The following PRKAR1A variants were observed in gnomAD, a reference collection of about 807,000 sequenced individuals.
The protein encoded by PRKAR1A is cAMP-dependent protein kinase type I-alpha regulatory subunit.
Under a neutral mutation model 52.0 loss-of-function variants are expected in PRKAR1A, and 3 were observed. That is an observed-to-expected ratio of 0.06 (90% confidence interval 0.03 to 0.15). The LOEUF is 0.15. PRKAR1A is among the 10% of genes least tolerant of loss of function. The probability of loss-of-function intolerance (pLI) is 1.00; values close to 1 mark genes in which losing one functional copy is unlikely to be tolerated. For synonymous variants in PRKAR1A, 188 were observed against 168.4 expected, an observed-to-expected ratio of 1.12 and a Z score of -0.90; for missense variants, 240 against 477.4, an observed-to-expected ratio of 0.50 and a Z score of 4.63.
the PRKAR1A span, chr17:68,422,102 CT>C: frequency 5.0e-6 from 2 of 398,274 alleles, no homozygotes; most frequent in Non-Finnish European, 9.3e-6. Flanking sequence ...GCTCATCTTA[CT>C]TGTAAACATG....
intron 7 of PRKAR1A, among the ~76,000 whole-genome samples, chr17:68,527,307 G>C (rs1314832237): frequency 6.6e-6 from 1 of 152,128 alleles, no homozygotes; most frequent in Non-Finnish European, 1.5e-5. Flanking sequence ...CAATTGTATA[G>C]GTGAGAAGCC....
At chr17:68,545,635 T>C (rs2086518469) in intron 11 of PRKAR1A, among the ~76,000 whole-genome samples, 1 of 152,200 alleles carries the variant, frequency 6.6e-6, no homozygotes, top group Non-Finnish European at 1.5e-5. Flanking sequence ...AATAATGAAG[T>C]TTGCTGCATC....
intron 2 of PRKAR1A, among the ~76,000 whole-genome samples, chr17:68,521,387 G>A (rs989361861): frequency 6.6e-6 from 1 of 152,158 alleles, no homozygotes; most frequent in African/African-American, 2.4e-5. Flanking sequence ...GTGCCACCAC[G>A]CCCAACTAAT....
At chr17:68,465,189 T>C in the PRKAR1A span, among the ~76,000 whole-genome samples, 2 of 151,896 alleles carry the variant, frequency 1.3e-5, no homozygotes, top group Admixed American at 6.6e-5. Context: ...GCCTCGGCCT[T>C]CCAAAGTACT....
At chr17:68,489,364 G>GTATATA in the PRKAR1A span, among the ~76,000 whole-genome samples, 11 of 47,846 alleles carry the variant, frequency 2.3e-4, no homozygotes, top group African/African-American at 4.7e-4. Flanking sequence ...TATATGGAAA[G>GTATATA]TATATATATA....
At chr17:68,490,851 G>A in the PRKAR1A span, among the ~76,000 whole-genome samples, 9 of 152,246 alleles carry the variant, frequency 5.9e-5, no homozygotes, top group East Asian at 1.5e-3. Context: ...CTTGAGAACA[G>A]AGGAGATACT....
chr17:68,522,703 G>T, intron 2 of PRKAR1A, 53 bp from the exon 3 acceptor site: 1 of 1,584,068 alleles, frequency 6.3e-7, no homozygotes, highest in Non-Finnish European at 8.7e-7. Flanking sequence ...ACATGAGAGT[G>T]CCAGCTTTAC....
chr17:68,442,169 A>G, the PRKAR1A span, among the ~76,000 whole-genome samples: 3 of 152,232 alleles, frequency 2.0e-5, no homozygotes, highest in Non-Finnish European at 4.4e-5. Flanking sequence ...GCTAAAAAAT[A>G]AGAGTAAATG....
chr17:68,530,486 A>C lies in PRKAR1A; in HGVS notation c.*37A>C. 1 of 1,613,810 alleles carries C rather than the reference A, an allele frequency of 6.2e-7. No individual in the cohort carries two copies. Among genetic ancestry groups the C allele is most frequent in the Non-Finnish European group, 8.5e-7 (1 of 1,179,830 alleles). On this transcript the variant is annotated 3_prime_UTR_variant, in exon 11 of 11. Transcript: ENST00000589228. ...TGTGCCTCCCTTTTCTCCTCTCCCCAATCCATGCTTCACTCATGCAAACTG... is the reference window on the plus strand; with the variant it reads ...TGTGCCTCCCTTTTCTCCTCTCCCCCATCCATGCTTCACTCATGCAAACTG...
At chr17:68,414,520 G>A in the PRKAR1A span, among the ~76,000 whole-genome samples, 2 of 152,132 alleles carry the variant, frequency 1.3e-5, no homozygotes, top group Admixed American at 6.5e-5. Context: ...CCTGGTTGTA[G>A]TATTAGGGTG....
rs1215717193 is a variant in PRKAR1A, at chr17:68,530,260, A to G, written c.974-17A>G. 1.2e-6 allele frequency: 2 copies of G among 1,613,850 alleles called. No individual in the cohort carries two copies. The highest frequency in any genetic ancestry group is 2.2e-5 in the East Asian group (1 of 44,880). On this transcript the variant is annotated splice_polypyrimidine_tract_variant and intron_variant, in intron 10 of 10. Coordinates refer to ENST00000589228, the MANE Select transcript of PRKAR1A (RefSeq NM_002734.5). ...TTTCATAGAAGTTAGCCTGTTACCCATCTTTGCTTTCTCCAGGTGAAATTG... is the reference window on the plus strand; with the variant it reads ...TTTCATAGAAGTTAGCCTGTTACCCGTCTTTGCTTTCTCCAGGTGAAATTG...
the PRKAR1A span, among the ~76,000 whole-genome samples, chr17:68,439,246 TA>T: frequency 5.9e-5 from 9 of 152,158 alleles, no homozygotes; most frequent in African/African-American, 2.2e-4. Context: ...TATCAACTGA[TA>T]AATGGATAAA....
chr17:68,462,862 G>A, the PRKAR1A span, among the ~76,000 whole-genome samples: 2 of 152,214 alleles, frequency 1.3e-5, no homozygotes, highest in Non-Finnish European at 2.9e-5. Context: ...GGGGGAGAGT[G>A]TGGAGTCCTG....
At position 68,522,884 on chromosome 17, in the gene PRKAR1A, T is replaced by G. The variant is rs757511127; in HGVS notation, c.306T>G (p.Ala102=). 6.2e-7 allele frequency: 1 copy of G among 1,613,536 alleles called. No homozygotes were observed. Among genetic ancestry groups the G allele is most frequent in the Non-Finnish European group, 8.5e-7 (1 of 1,179,760 alleles). ...KGRRRRGAIS[A]EVYTEEDAAS... Reference sequence around the variant, plus strand: ...GGAGGCGACGAGGTGCTATCAGCGCTGAGGTCTACACGGAGGAAGATGCGG... The same window carrying G: ...GGAGGCGACGAGGTGCTATCAGCGCGGAGGTCTACACGGAGGAAGATGCGG... The change falls in exon 3 of 11, where the codon GCT becomes GCG. Residue 102 remains alanine, a synonymous_variant. Coordinates refer to ENST00000589228, the MANE Select transcript of PRKAR1A (RefSeq NM_002734.5).
the PRKAR1A span, among the ~76,000 whole-genome samples, chr17:68,494,717 C>T: frequency 1.3e-4 from 19 of 151,860 alleles, no homozygotes; most frequent in Non-Finnish European, 2.1e-4. Context: ...GCCCGGCAAA[C>T]GGTCTCAGCT....
chr17:68,545,029 T>C (rs1301125967), intron 11 of PRKAR1A, among the ~76,000 whole-genome samples: 1 of 152,252 alleles, frequency 6.6e-6, no homozygotes, highest in African/African-American at 2.4e-5. Context: ...TTTATGTTCC[T>C]AATGTATATT....
the PRKAR1A span, among the ~76,000 whole-genome samples, chr17:68,432,573 T>C: frequency 6.6e-6 from 1 of 152,030 alleles, no homozygotes; most frequent in African/African-American, 2.4e-5. Context: ...CCGGCCTCTG[T>C]CATGTATGTG....
chr17:68,497,222 T>C, the PRKAR1A span, among the ~76,000 whole-genome samples: 1 of 152,208 alleles, frequency 6.6e-6, no homozygotes, highest in Non-Finnish European at 1.5e-5. Flanking sequence ...AAGTCAACTT[T>C]TATTGGAACA....
chr17:68,442,360 G>A, the PRKAR1A span, among the ~76,000 whole-genome samples: 1 of 151,758 alleles, frequency 6.6e-6, no homozygotes, highest in Admixed American at 6.6e-5. Flanking sequence ...AGCTACTCAG[G>A]AGGCTGAGGA....
Sources: allele counts gnomAD v4.1 joint callset (sites outside exome capture counted in the v4.1 genomes callset), GRCh38; gene constraint gnomAD v4.1.1; transcripts MANE v1.5; gene names NCBI Gene and HGNC (gene_info 2026-07-23, HGNC 2026-07-21).